RPH3AL: variants seen among roughly 807,000 people sequenced by gnomAD.
The protein encoded by RPH3AL is rab effector Noc2.
Under a neutral mutation model 43.1 loss-of-function variants are expected in RPH3AL, and 38 were observed. The observed-to-expected ratio is 0.88, with a 90% CI of 0.68 to 1.15. The LOEUF (loss-of-function observed/expected upper bound fraction) is 1.15. RPH3AL is among the 50% of genes most tolerant of loss of function. The probability of loss-of-function intolerance (pLI) is 0.00; values close to 1 mark genes in which losing one functional copy is unlikely to be tolerated. For missense variants in RPH3AL, 462 were observed against 423.2 expected, an observed-to-expected ratio of 1.09 and a Z score of -0.81; for synonymous variants, 189 against 176.3, an observed-to-expected ratio of 1.07 and a Z score of -0.57.
rs2044851832 is a variant in RPH3AL at position 333,305 on chromosome 17, A to G, written c.-37+454T>C. 1.6e-6 allele frequency: 2 copies of G among 1,285,970 alleles called. No homozygotes were observed. Among genetic ancestry groups the G allele is most frequent in the African/African-American group, 1.5e-5 (1 of 65,778 alleles). The allele number at this position is 1,285,970 out of a possible 1,614,324, so 79.7% of individuals were successfully genotyped here. Reference sequence around the variant, plus strand: ...CGTGGTCACTCCTGGGGGCGGTAGGATATTTTATCCTAAAGAGAAAACACC... The same window carrying G: ...CGTGGTCACTCCTGGGGGCGGTAGGGTATTTTATCCTAAAGAGAAAACACC... On this transcript the variant is annotated intron_variant, in intron 2 of 9. Coordinates refer to ENST00000331302, the MANE Select transcript of RPH3AL (RefSeq NM_006987.4). The surrounding 1 kb of genome is among the most constrained non-coding windows in gnomAD (Gnocchi z 4.5).
chr17:272,969 AGACCCCAGCAAGGGC>A lies in RPH3AL; in HGVS notation c.438+8784_438+8798del, dbSNP rs1567604374. Among the ~76,000 whole-genome samples the A allele has an allele frequency of 1.5e-4, 16 of 105,462 alleles. 1 individual carries two copies. The highest frequency in any genetic ancestry group is 3.1e-4 in the African/African-American group (11 of 35,670). The allele number at this position is 105,462 out of a possible 152,430, so 69.2% of individuals were successfully genotyped here. A position where few individuals can be genotyped will look rare whatever the true frequency, so the allele number is the denominator to read the frequency against. ...CCCCAGCAAGGGCTACGTCAGGGTG[AGACCCCAGCAAGGGC>A]TACGTCAGGGTGAGACCCCAGCGAG... On this transcript the variant is annotated intron_variant, in intron 6 of 9. Transcript: ENST00000331302.
intron 5 of RPH3AL, among the ~76,000 whole-genome samples, chr17:295,201 G>A (rs2043144919): frequency 7.3e-6 from 1 of 137,048 alleles, no homozygotes; most frequent in Non-Finnish European, 1.6e-5. Flanking sequence ...TGGACAGAGG[G>A]AATGCACATC....
chr17:238,307 A>G (rs1039896079), intron 7 of RPH3AL, among the ~76,000 whole-genome samples: 2 of 151,950 alleles, frequency 1.3e-5, no homozygotes. Context: ...AAATGAAACG[A>G]AACTCCAGAA....
chr17:315,451 A>T (rs572398192), intron 5 of RPH3AL, among the ~76,000 whole-genome samples: 5,876 of 129,276 alleles, frequency 0.045, 2 homozygotes, highest in Admixed American at 0.068. Context: ...CCTCACCTCC[A>T]TTGACCTGTA....
intron 5 of RPH3AL, among the ~76,000 whole-genome samples, chr17:298,542 C>CAA (rs111403979): frequency 6.6e-4 from 95 of 143,142 alleles, no homozygotes; most frequent in African/African-American, 1.4e-3. Context: ...ACTAAAAATA[C>CAA]AAAAAAAAAA....
chr17:266,210 G>GTA (rs1435752280), intron 6 of RPH3AL, among the ~76,000 whole-genome samples: 1 of 151,736 alleles, frequency 6.6e-6, no homozygotes, highest in African/African-American at 2.4e-5. Context: ...AGTGGTGTGT[G>GTA]TGTGTGTGTG....
At chr17:223,357 G>A (rs1156853628) in intron 7 of RPH3AL, among the ~76,000 whole-genome samples, 1 of 152,136 alleles carries the variant, frequency 6.6e-6, no homozygotes, top group Non-Finnish European at 1.5e-5. Context: ...AGCTCTCATA[G>A]GCGAGAAACT....
At position 290,699 on chromosome 17, in the gene RPH3AL, A is replaced by T. The variant is rs2043028475; in HGVS notation, c.352-8845T>A. On this transcript the variant is annotated intron_variant, in intron 5 of 9. Coordinates refer to ENST00000331302, the MANE Select transcript of RPH3AL (RefSeq NM_006987.4). The surrounding 1 kb of genome is among the most constrained non-coding windows in gnomAD (Gnocchi z 4.2). ...CTTTGAGTCCTCACCGATCCATTTC[A>T]TGATGAGGAATTCCACCACGCTCCC... Among the ~76,000 whole-genome samples, 1 of 152,174 alleles carries T rather than the reference A, an allele frequency of 6.6e-6. No individual in the cohort carries two copies. Among genetic ancestry groups the T allele is most frequent in the Non-Finnish European group, 1.5e-5 (1 of 68,026 alleles).
In RPH3AL at chr17:290,723, C is replaced by T. The variant is rs1425826178; in HGVS notation, c.352-8869G>A. 6.6e-6 allele frequency among the ~76,000 whole-genome samples: 1 copy of T among 152,202 alleles called. No homozygotes were observed. Among genetic ancestry groups the T allele is most frequent in the East Asian group, 1.9e-4 (1 of 5,190 alleles). On this transcript the variant is annotated intron_variant, in intron 5 of 9. Coordinates refer to ENST00000331302, the MANE Select transcript of RPH3AL (RefSeq NM_006987.4). The surrounding 1 kb of genome is among the most constrained non-coding windows in gnomAD (Gnocchi z 4.2). ...CATGATGAGGAATTCCACCACGCTC[C>T]CGCAGATCAGAAGACGGGAAGGGGC...
chr17:324,033 G>A (rs1251590471), intron 3 of RPH3AL, among the ~76,000 whole-genome samples: 4 of 149,574 alleles, frequency 2.7e-5, no homozygotes, highest in East Asian at 2.0e-4. Context: ...CCTCAGAGTC[G>A]CCCTGTAAGG....
Position 323,004 on chromosome 17 carries a change from G to A in RPH3AL, c.78-1589C>T, listed in dbSNP as rs1050962922. 5.9e-5 allele frequency among the ~76,000 whole-genome samples: 9 copies of A among 152,068 alleles called. No individual in the cohort carries two copies. The highest frequency in any genetic ancestry group is 1.5e-5 in the Non-Finnish European group (1 of 68,004). On this transcript the variant is annotated intron_variant, in intron 3 of 9. Transcript: ENST00000331302. This position sits in a 1 kb window ranked among gnomAD's most constrained non-coding sequence, Gnocchi z 4.4. ...GATGCCATGAGAATTAATGAGGCAG[G>A]GTAGATAAGGTGCTTTTACATAGCA...
At position 319,498 on chromosome 17, in the gene RPH3AL, G is replaced by T; in HGVS notation, c.273C>A (p.Gly91=). 6.2e-7 allele frequency: 1 copy of T among 1,612,456 alleles called. No homozygotes were observed. The highest frequency in any genetic ancestry group is 8.5e-7 in the Non-Finnish European group (1 of 1,179,960). ...ETMRRNVMGN[G]LSQCLLCGEV... is the part of the protein sequence containing the mutation. The stretch of plus-strand genomic sequence containing the variant: ...CCCCGCAGAGCAGACACTGGGACAG[G>T]CCGTTCCCCATCACATTCCGCCTCA... The change falls in exon 5 of 10, where the codon GGC becomes GGA. Residue 91 remains glycine (G), a synonymous_variant. Coordinates refer to ENST00000331302, the MANE Select transcript of RPH3AL (RefSeq NM_006987.4).
intron 6 of RPH3AL, among the ~76,000 whole-genome samples, chr17:267,637 G>A (rs1439776518): frequency 6.6e-6 from 1 of 152,158 alleles, no homozygotes; most frequent in South Asian, 2.1e-4. Context: ...TTTTGATTAC[G>A]TATTTGATTA....
At chr17:321,220 G>T in intron 4 of RPH3AL, 52 bp downstream of exon 4, 1 of 1,573,950 alleles carries the variant, frequency 6.4e-7, no homozygotes, top group Non-Finnish European at 8.6e-7. Context: ...CCCTGCGCTT[G>T]CGCCAAAGCC....
intron 7 of RPH3AL, 58 bp downstream of exon 7, chr17:247,053 G>T: frequency 6.3e-7 from 1 of 1,594,696 alleles, no homozygotes; most frequent in Admixed American, 1.7e-5. Context: ...AAACTGCCGG[G>T]CTGGCTAATG....
chr17:221,979 AGCG>A (rs1555531145), intron 7 of RPH3AL, among the ~76,000 whole-genome samples: 6 of 137,624 alleles, frequency 4.4e-5, no homozygotes, highest in Non-Finnish European at 9.3e-5. Flanking sequence ...AGTAGACCCA[AGCG>A]CATCAGCTCT....
chr17:237,742 T>A (rs1044464334), intron 7 of RPH3AL, among the ~76,000 whole-genome samples: 3 of 152,292 alleles, frequency 2.0e-5, no homozygotes, highest in Non-Finnish European at 4.4e-5. Context: ...GAGGTCCACA[T>A]GGTAAAACTT....
chr17:334,731 G>A (rs4993404), intron 1 of RPH3AL, among the ~76,000 whole-genome samples: 5 of 112,814 alleles, frequency 4.4e-5, no homozygotes, highest in South Asian at 3.4e-4. Flanking sequence ...CAGCAAGTGC[G>A]GCTCCTTCTC....
intron 5 of RPH3AL, among the ~76,000 whole-genome samples, chr17:317,611 A>T (rs1293723288): frequency 2.0e-5 from 3 of 152,048 alleles, no homozygotes; most frequent in Non-Finnish European, 2.9e-5. Context: ...ACAGTCTTAC[A>T]CCCAGGCCCC....
Sources: gnomAD v4.1 joint callset for allele counts (sites outside exome capture counted in the v4.1 genomes callset) on GRCh38, gnomAD v4.1.1 for gene constraint, Gnocchi (gnomAD v3.1) non-coding constraint, MANE v1.5 for transcripts, NCBI Gene and HGNC (gene_info 2026-07-23, HGNC 2026-07-21) for gene names.